Variants in NDUFA5 observed in about 807,000 individuals in gnomAD.
NDUFA5 encodes the protein NADH:ubiquinone oxidoreductase subunit A5.
Under a neutral mutation model 19.8 loss-of-function variants are expected in NDUFA5, and 11 were observed. The ratio of observed to expected loss-of-function variants is 0.56; its 90% CI spans 0.35 to 0.92. The LOEUF is 0.92. Among genes scored for constraint, NDUFA5 ranks in the 40% least tolerant of loss-of-function variants. The pLI is 0.01. For synonymous variants in NDUFA5, 47 were observed against 46.8 expected (o/e 1.00, Z -0.01); for missense variants, 109 against 134.2 (o/e 0.81, Z 0.93).
At chr7:123,545,725 T>G (rs1179520406) in intron 3 of NDUFA5, 49 bp from the exon 4 acceptor site, 1 of 1,245,340 alleles carries the variant, frequency 8.0e-7, no homozygotes. Context: ...TAACTGAATG[T>G]TTCAATATCC....
At chr7:123,591,177 T>C in the NDUFA5 span, among the ~76,000 whole-genome samples, 1 of 151,114 alleles carries the variant, frequency 6.6e-6, no homozygotes, top group Admixed American at 6.6e-5. Context: ...TGAAGTTGCT[T>C]ATCAGCTTAA....
the NDUFA5 span, among the ~76,000 whole-genome samples, chr7:123,566,393 A>G: frequency 0.23 from 35,645 of 151,908 alleles, 4,711 homozygotes; most frequent in East Asian, 0.32. Flanking sequence ...AAGCCACTCA[A>G]TTTGTGGCAC....
chr7:123,592,131 A>T, the NDUFA5 span, among the ~76,000 whole-genome samples: 1 of 152,108 alleles, frequency 6.6e-6, no homozygotes, highest in Non-Finnish European at 1.5e-5. Flanking sequence ...TTTCTGTGGG[A>T]TCAGTGGTGA....
At chr7:123,551,579 G>A (rs879375923) in intron 2 of NDUFA5, 1 of 842,178 alleles carries the variant, frequency 1.2e-6, no homozygotes, top group Admixed American at 6.2e-5. Context: ...TTGAATTTCT[G>A]TAGAAATAAA....
chr7:123,554,061 G>A (rs1463783216), intron 2 of NDUFA5, among the ~76,000 whole-genome samples: 3 of 152,192 alleles, frequency 2.0e-5, no homozygotes, highest in Non-Finnish European at 4.4e-5. Flanking sequence ...TTCTTGAACT[G>A]TGCTGTCTAA....
intron 2 of NDUFA5, chr7:123,556,807 T>A: frequency 2.0e-6 from 1 of 494,772 alleles, no homozygotes; most frequent in Non-Finnish European, 3.9e-6. Flanking sequence ...ATGGAGATAA[T>A]TGGTGAACTT....
chr7:123,545,517 T>C lies in NDUFA5; in HGVS notation c.249+94A>G, dbSNP rs1798096709. 7 of 954,176 alleles carry C rather than the reference T, an allele frequency of 7.3e-6. No homozygotes were observed. In the East Asian group the frequency reaches 1.7e-4, roughly 23 times the overall value. The allele number at this position is 954,176 out of a possible 1,614,324, so 59.1% of individuals were successfully genotyped here. ...TAGTCTTACATATTTGACGAGTTGA[T>C]ATAAACAAGGAAATTTAGTTTTCCT... On this transcript the variant is annotated intron_variant, in intron 4 of 4. Coordinates refer to ENST00000355749, the MANE Select transcript of NDUFA5 (RefSeq NM_005000.5).
chr7:123,598,573 A>G, the NDUFA5 span, among the ~76,000 whole-genome samples: 3 of 152,340 alleles, frequency 2.0e-5, no homozygotes, highest in South Asian at 2.1e-4. Context: ...ATTGACTTAA[A>G]CTTTGGTTAA....
At chr7:123,561,986 T>C (rs1274562530), upstream of NDUFA5, among the ~76,000 whole-genome samples, 1 of 152,006 alleles carries the variant, frequency 6.6e-6, no homozygotes, top group Non-Finnish European at 1.5e-5. Flanking sequence ...GTCAGAGGAA[T>C]CGGTATTTAT....
chr7:123,597,668 C>A, the NDUFA5 span, among the ~76,000 whole-genome samples: 63 of 151,968 alleles, frequency 4.1e-4, no homozygotes, highest in African/African-American at 1.3e-3. Flanking sequence ...CCCGTATCTA[C>A]TAAAAATACA....
the NDUFA5 span, among the ~76,000 whole-genome samples, chr7:123,588,429 G>T: frequency 6.6e-6 from 1 of 151,200 alleles, no homozygotes; most frequent in Non-Finnish European, 1.5e-5. Context: ...GCCAGCTAAA[G>T]TTTCGTTAAT....
At chr7:123,566,192 T>C in the NDUFA5 span, among the ~76,000 whole-genome samples, 1 of 152,048 alleles carries the variant, frequency 6.6e-6, no homozygotes, top group Non-Finnish European at 1.5e-5. Flanking sequence ...CTAGCAAAGA[T>C]GAAGGCAGAG....
chr7:123,550,662 C>CA, intron 2 of NDUFA5, 76 bp from the exon 3 acceptor site: 2 of 628,610 alleles, frequency 3.2e-6, no homozygotes, highest in East Asian at 7.8e-5. Flanking sequence ...GTCTCAAAGA[C>CA]AAAACAAACA....
chr7:123,601,018 G>C, the NDUFA5 span, among the ~76,000 whole-genome samples: 39 of 152,286 alleles, frequency 2.6e-4, no homozygotes, highest in East Asian at 1.9e-3. Context: ...ATGTAAGTCA[G>C]AAAGAGGTCA....
upstream of NDUFA5, among the ~76,000 whole-genome samples, chr7:123,559,115 G>A (rs1305324173): frequency 6.6e-6 from 1 of 151,834 alleles, no homozygotes; most frequent in Non-Finnish European, 1.5e-5. Flanking sequence ...ATACAAGCAA[G>A]AATAAAAGAA....
chr7:123,550,629 A>C, intron 2 of NDUFA5, 43 bp from the exon 3 acceptor site: 1 of 1,173,772 alleles, frequency 8.5e-7, no homozygotes, highest in Non-Finnish European at 1.2e-6. Flanking sequence ...TTAAAATATT[A>C]CCAAAGACTT....
upstream of NDUFA5, chr7:123,558,159 C>T: frequency 3.2e-6 from 1 of 314,484 alleles, no homozygotes. Flanking sequence ...TTGATGCATT[C>T]CTCAACCTTC....
At chr7:123,573,354 A>C in the NDUFA5 span, among the ~76,000 whole-genome samples, 5 of 149,430 alleles carry the variant, frequency 3.3e-5, no homozygotes, top group East Asian at 9.9e-4. Flanking sequence ...CGTAAGTGGA[A>C]TCTTCTTTCT....
chr7:123,547,554 A>T (rs988895319), intron 3 of NDUFA5, among the ~76,000 whole-genome samples: 4 of 152,222 alleles, frequency 2.6e-5, no homozygotes, highest in African/African-American at 7.2e-5. Context: ...ATACATAAAA[A>T]ACAGCTGAAA....
Sources: gnomAD v4.1 joint callset for allele counts (sites outside exome capture counted in the v4.1 genomes callset) on GRCh38, gnomAD v4.1.1 for gene constraint, MANE v1.5 for transcripts, NCBI Gene and HGNC (gene_info 2026-07-23, HGNC 2026-07-21) for gene names.